The following RFX3 variants were observed in gnomAD, a reference collection of about 807,000 sequenced individuals.
RFX3 encodes the protein regulatory factor X3, also known as transcription factor RFX3.
Under a neutral mutation model 98.6 loss-of-function variants are expected in RFX3, and 14 were observed. The ratio of observed to expected loss-of-function variants is 0.14; its 90% CI spans 0.09 to 0.22. The LOEUF (loss-of-function observed/expected upper bound fraction) is 0.22, where lower values mean the gene tolerates loss of function less well. Ranked by LOEUF, RFX3 falls within the 10% of genes least tolerant of loss-of-function variation. The pLI, the probability that RFX3 is intolerant of heterozygous loss-of-function variation, is 1.00. For missense variants in RFX3, 639 were observed against 926.9 expected (o/e 0.69, Z 4.03); for synonymous variants, 383 against 328.4 (o/e 1.17, Z -1.80).
At chr9:3,424,453 C>G (rs965897374) in intron 1 of RFX3, among the ~76,000 whole-genome samples, 61 of 146,810 alleles carry the variant, frequency 4.2e-4, no homozygotes, top group African/African-American at 1.5e-3. Flanking sequence ...GCTCCGCCTC[C>G]CGGGTTCACG....
intron 2 of RFX3, among the ~76,000 whole-genome samples, chr9:3,376,034 C>T (rs1406218750): frequency 6.6e-6 from 1 of 151,928 alleles, no homozygotes; most frequent in African/African-American, 2.4e-5. Flanking sequence ...ATAGTAAGCT[C>T]TCAGTAGGCA....
At chr9:3,296,210 A>G (rs950666969) in intron 5 of RFX3, among the ~76,000 whole-genome samples, 1 of 151,914 alleles carries the variant, frequency 6.6e-6, no homozygotes, top group Non-Finnish European at 1.5e-5. Flanking sequence ...GTCCAATGGT[A>G]TATTTACATT....
chr9:3,329,988 C>T (rs1425085140), intron 4 of RFX3, among the ~76,000 whole-genome samples: 1 of 152,224 alleles, frequency 6.6e-6, no homozygotes, highest in East Asian at 1.9e-4. Context: ...TGGAAGACAG[C>T]TTATTAAAGC....
chr9:3,461,587 T>A (rs1847688962), intron 1 of RFX3, among the ~76,000 whole-genome samples: 1 of 152,004 alleles, frequency 6.6e-6, no homozygotes, highest in East Asian at 1.9e-4. Context: ...AGAATTTTTT[T>A]AATTTAATGT....
At chr9:3,427,462 T>C (rs1844210680) in intron 1 of RFX3, among the ~76,000 whole-genome samples, 1 of 144,574 alleles carries the variant, frequency 6.9e-6, no homozygotes, top group African/African-American at 2.5e-5. Context: ...TAATACAATA[T>C]ATAAATATAT....
At chr9:3,259,947 G>C (rs373521533) in intron 13 of RFX3, among the ~76,000 whole-genome samples, 13 of 152,078 alleles carry the variant, frequency 8.5e-5, no homozygotes, top group African/African-American at 3.1e-4. Context: ...GATTATTGAG[G>C]TTCATGTTAT....
At chr9:3,276,993 T>C (rs1301279518) in intron 8 of RFX3, among the ~76,000 whole-genome samples, 2 of 152,016 alleles carry the variant, frequency 1.3e-5, no homozygotes, top group African/African-American at 2.4e-5. Context: ...ACTTTATACA[T>C]AGGAAATGAG....
chr9:3,341,409 A>G lies in RFX3; in HGVS notation c.215+5258T>C, dbSNP rs545646532. On this transcript the variant is annotated intron_variant, in intron 3 of 16. Coordinates refer to ENST00000617270, the MANE Select transcript of RFX3 (RefSeq NM_001282116.2). ...CCCTAAAACTTAAAGTATAATAATA[A>G]TAAAATTAAAAAAAAAAAGATTTAA... 3.0e-5 allele frequency among the ~76,000 whole-genome samples: 4 copies of G among 133,670 alleles called. No individual in the cohort carries two copies. The South Asian group carries it at 8.7e-4, about 29-fold the overall frequency. 87.7% of individuals were successfully genotyped at this position (133,670 alleles called of 152,430 possible).
intron 1 of RFX3, among the ~76,000 whole-genome samples, chr9:3,425,468 T>C (rs1177628021): frequency 6.6e-6 from 1 of 152,216 alleles, no homozygotes; most frequent in Non-Finnish European, 1.5e-5. Context: ...AACCTTATGA[T>C]TCAACATTTT....
At chr9:3,424,341 T>A (rs1046888812) in intron 1 of RFX3, among the ~76,000 whole-genome samples, 3 of 141,574 alleles carry the variant, frequency 2.1e-5, no homozygotes, top group Middle Eastern at 3.7e-3. Context: ...TGTAATTACA[T>A]AATTGACTTT....
At chr9:3,503,526 A>C (rs2133691320) in intron 1 of RFX3, among the ~76,000 whole-genome samples, 1 of 152,238 alleles carries the variant, frequency 6.6e-6, no homozygotes, top group African/African-American at 2.4e-5. Flanking sequence ...TTGACACCAA[A>C]CTGAGTATCT....
At chr9:3,279,286 G>A (rs1410537066) in intron 7 of RFX3, among the ~76,000 whole-genome samples, 2 of 151,600 alleles carry the variant, frequency 1.3e-5, no homozygotes, top group Non-Finnish European at 3.0e-5. Context: ...CCCCTTTTCA[G>A]CTATGGAATT....
At chr9:3,275,840 T>C (rs1227183968) in intron 8 of RFX3, among the ~76,000 whole-genome samples, 1 of 151,984 alleles carries the variant, frequency 6.6e-6, no homozygotes, top group African/African-American at 2.4e-5. Flanking sequence ...GAAACAAAAT[T>C]TGCAATACAA....
intron 4 of RFX3, among the ~76,000 whole-genome samples, chr9:3,308,411 C>T (rs145881905): frequency 2.8e-4 from 42 of 152,266 alleles, no homozygotes; most frequent in African/African-American, 9.6e-4. Context: ...TTTAGACAGA[C>T]TGCTGAAATG....
intron 2 of RFX3, among the ~76,000 whole-genome samples, chr9:3,369,346 G>T (rs10971599): frequency 2.0e-5 from 3 of 152,008 alleles, no homozygotes; most frequent in African/African-American, 4.8e-5. Flanking sequence ...GTTGTCTTTT[G>T]TAAGTACACT....
Position 3,287,115 on chromosome 9 carries a change from G to T in RFX3, c.851+1016C>A, listed in dbSNP as rs764097401. Among the ~76,000 whole-genome samples, 6 of 151,714 alleles carry T rather than the reference G, an allele frequency of 4.0e-5. No homozygotes were observed. The East Asian group carries it at 7.7e-4, about 20-fold the overall frequency. On this transcript the variant is annotated intron_variant, in intron 7 of 16. Transcript: ENST00000617270. ...AACATAAGAACTGTGTCTTATCTCT[G>T]CATGCAGGGCTTAACATCAGTATTG...
At chr9:3,506,039 G>A (rs1352331547) in intron 1 of RFX3, among the ~76,000 whole-genome samples, 1 of 151,778 alleles carries the variant, frequency 6.6e-6, no homozygotes, top group Non-Finnish European at 1.5e-5. Context: ...AAATGAGCAT[G>A]TATATTAAAA....
intron 15 of RFX3, chr9:3,247,189 C>A (rs1820792262): frequency 1.0e-6 from 1 of 985,486 alleles, no homozygotes; most frequent in South Asian, 4.7e-5. Context: ...TTCAATATAA[C>A]AAAATAAGCC....
intron 4 of RFX3, among the ~76,000 whole-genome samples, chr9:3,309,488 A>C (rs2130394088): frequency 6.6e-6 from 1 of 152,036 alleles, no homozygotes; most frequent in Non-Finnish European, 1.5e-5. Flanking sequence ...TTCAAGAGCC[A>C]CCCTGAGGCT....
Sources: allele counts gnomAD v4.1 joint callset (sites outside exome capture counted in the v4.1 genomes callset), GRCh38; gene constraint gnomAD v4.1.1; transcripts MANE v1.5; gene names NCBI Gene and HGNC (gene_info 2026-07-23, HGNC 2026-07-21).